NUP160: variants seen among roughly 807,000 people sequenced by gnomAD.
NUP160 encodes nucleoporin 160.
Under a neutral mutation model 196.9 loss-of-function variants are expected in NUP160, and 94 were observed. The observed-to-expected ratio is 0.48, with a 90% confidence interval of 0.40 to 0.57. The LOEUF (loss-of-function observed/expected upper bound fraction) is 0.57, where lower values mean the gene tolerates loss of function less well. NUP160 is among the 20% of genes least tolerant of loss of function. NUP160 has a pLI of 0.00. For missense variants in NUP160, 1,638 were observed against 1,748.3 expected (o/e 0.94, Z 1.13); for synonymous variants, 605 against 619.7 (o/e 0.98, Z 0.35).
In NUP160 at chr11:47,812,384, C is replaced by T. The variant is rs61756071; in HGVS notation, c.1998G>A (p.Arg666=). The change falls in exon 16 of 36, where the codon AGG becomes AGA. Residue 666 remains arginine, a synonymous_variant. Transcript: ENST00000378460. Reference sequence around the variant, plus strand: ...GTAGTCCAATTGCATGGATTGGGTTCCTAATCTCTTGCAGTTTACTACAAA... The same window carrying T: ...GTAGTCCAATTGCATGGATTGGGTTTCTAATCTCTTGCAGTTTACTACAAA... 26,310 of 1,613,618 alleles carry T rather than the reference C, an allele frequency of 0.016. 280 individuals are homozygous for T. Among genetic ancestry groups the T allele is most frequent in the East Asian group, 0.037 (1,682 of 44,862 alleles).
intron 2 of NUP160, 51 bp from the exon 3 acceptor site, chr11:47,840,639 T>C: frequency 7.2e-7 from 1 of 1,381,006 alleles, no homozygotes. Flanking sequence ...TCTCACTGAC[T>C]GTTCTACTGA....
At chr11:47,807,992 T>A (rs1261270867) in intron 18 of NUP160, among the ~76,000 whole-genome samples, 1 of 152,150 alleles carries the variant, frequency 6.6e-6, no homozygotes, top group Non-Finnish European at 1.5e-5. Flanking sequence ...CTGTTAAAAA[T>A]CTTTTTCCCG....
At chr11:47,828,436 AACTT>A (rs1490720094) in intron 7 of NUP160, among the ~76,000 whole-genome samples, 3 of 152,174 alleles carry the variant, frequency 2.0e-5, no homozygotes, top group African/African-American at 4.8e-5. Context: ...AAAAGTATAA[AACTT>A]ACACTCTGAA....
chr11:47,785,932 G>A (rs1325081647), intron 32 of NUP160, among the ~76,000 whole-genome samples: 1 of 152,244 alleles, frequency 6.6e-6, no homozygotes, highest in Non-Finnish European at 1.5e-5. Flanking sequence ...AGGAATGTTA[G>A]AGAAGGTTTC....
chr11:47,778,975 G>C (rs1418429467), exon 36 of NUP160: 2 of 684,070 alleles, frequency 2.9e-6, no homozygotes, highest in Non-Finnish European at 2.7e-6. Flanking sequence ...ATCTTGTGCA[G>C]AATGCAGACT....
At chr11:47,832,574 G>A (rs1304288004) in intron 7 of NUP160, among the ~76,000 whole-genome samples, 2 of 152,198 alleles carry the variant, frequency 1.3e-5, no homozygotes, top group East Asian at 1.9e-4. Flanking sequence ...CAGACTCAGC[G>A]CATAGGATGG....
intron 11 of NUP160, among the ~76,000 whole-genome samples, chr11:47,817,562 G>A (rs1043783997): frequency 6.6e-6 from 1 of 151,676 alleles, no homozygotes; most frequent in Non-Finnish European, 1.5e-5. Context: ...GGCCAGGATG[G>A]TCTCGATCTC....
chr11:47,785,139 TACAAGGAAAA>T (rs2097663853), intron 32 of NUP160, 76 bp from the exon 33 acceptor site: 3 of 675,488 alleles, frequency 4.4e-6, no homozygotes, highest in Admixed American at 3.3e-5. Context: ...AGCATGTATT[TACAAGGAAAA>T]CTTTTTTTTC....
intron 9 of NUP160, among the ~76,000 whole-genome samples, chr11:47,820,696 C>T (rs1322419001): frequency 1.3e-5 from 2 of 152,092 alleles, no homozygotes; most frequent in East Asian, 3.9e-4. Context: ...GGATTACAGG[C>T]ACATACCACC....
intron 13 of NUP160, 112 bp from the exon 14 acceptor site, chr11:47,813,527 A>G: frequency 1.5e-6 from 1 of 665,198 alleles, no homozygotes; most frequent in Non-Finnish European, 2.7e-6. Flanking sequence ...TACACTCTAT[A>G]AAATAATAGG....
intron 27 of NUP160, chr11:47,796,453 C>A: frequency 3.4e-6 from 1 of 294,270 alleles, no homozygotes; most frequent in Non-Finnish European, 6.3e-6. Context: ...TAACTTCCTC[C>A]CAGAAGGACC....
chr11:47,834,418 G>A (rs1215441151), intron 7 of NUP160, among the ~76,000 whole-genome samples: 2 of 152,166 alleles, frequency 1.3e-5, no homozygotes, highest in East Asian at 1.9e-4. Context: ...ATAGTTCAAG[G>A]GTTGTCCTCC....
intron 31 of NUP160, 82 bp downstream of exon 31, chr11:47,788,100 C>A: frequency 8.4e-7 from 1 of 1,186,280 alleles, no homozygotes; most frequent in Non-Finnish European, 1.2e-6. Flanking sequence ...GGCTACTTGG[C>A]TTATGACGAC....
intron 27 of NUP160, among the ~76,000 whole-genome samples, chr11:47,794,265 G>A (rs941052638): frequency 6.6e-6 from 1 of 152,150 alleles, no homozygotes; most frequent in African/African-American, 2.4e-5. Flanking sequence ...AGGCCAAGAC[G>A]GGCGGATCAT....
intron 9 of NUP160, among the ~76,000 whole-genome samples, chr11:47,820,631 A>C (rs964677916): frequency 6.6e-6 from 1 of 152,066 alleles, no homozygotes; most frequent in African/African-American, 2.4e-5. Flanking sequence ...GGCTCACTGC[A>C]ACCTCCGTCT....
chr11:47,830,578 T>C (rs533310625), intron 7 of NUP160, among the ~76,000 whole-genome samples: 2 of 151,654 alleles, frequency 1.3e-5, no homozygotes, highest in East Asian at 3.9e-4. Flanking sequence ...GAAGTGGAGG[T>C]CATTATCCTC....
At chr11:47,810,575 CT>C (rs2097680520) in intron 17 of NUP160, among the ~76,000 whole-genome samples, 2 of 147,786 alleles carry the variant, frequency 1.4e-5, no homozygotes, top group Admixed American at 1.4e-4. Flanking sequence ...GAGACAGAAT[CT>C]CGCTCTGTCA....
At chr11:47,835,765 A>G in exon 7 of NUP160, 1 of 1,603,772 alleles carries the variant, frequency 6.2e-7, no homozygotes, top group South Asian at 1.1e-5. Flanking sequence ...CTTTCTTCAC[A>G]GGGACATACT....
chr11:47,848,215 G>A lies in NUP160; in HGVS notation c.202+4C>T. 6.2e-7 allele frequency: 1 copy of A among 1,614,136 alleles called. No individual in the cohort carries two copies. The highest frequency in any genetic ancestry group is 8.5e-7 in the Non-Finnish European group (1 of 1,179,988). On this transcript the variant is annotated splice_donor_region_variant and intron_variant, in intron 1 of 35. Coordinates refer to ENST00000378460, the Ensembl canonical transcript of NUP160. Reference sequence around the variant, plus strand: ...GATCGCACCCTCCCTGGCCATTTCCGTACCAATGCTGCAGACTGTGAATTC... The same window carrying A: ...GATCGCACCCTCCCTGGCCATTTCCATACCAATGCTGCAGACTGTGAATTC...
Sources: allele counts gnomAD v4.1 joint callset (sites outside exome capture counted in the v4.1 genomes callset), GRCh38; gene constraint gnomAD v4.1.1; transcripts MANE v1.5; gene names NCBI Gene and HGNC (gene_info 2026-07-23, HGNC 2026-07-21).